GPR158: variants seen among roughly 807,000 people sequenced by gnomAD.
GPR158 encodes G protein-coupled receptor 158, also known as metabotropic glycine receptor.
A neutral mutation model predicts 78.2 loss-of-function variants in GPR158; 30 were observed. That is an observed-to-expected ratio of 0.38 (90% CI 0.29 to 0.52). The LOEUF (loss-of-function observed/expected upper bound fraction) is 0.52, where lower values mean the gene tolerates loss of function less well. Among genes scored for constraint, GPR158 ranks in the 20% least tolerant of loss-of-function variants. The pLI, the probability that GPR158 is intolerant of heterozygous loss-of-function variation, is 0.83. For synonymous variants in GPR158, 581 were observed against 591.1 expected (o/e 0.98, Z 0.25); for missense variants, 1,463 against 1,523.5 (o/e 0.96, Z 0.66).
chr10:25,425,939 T>C (rs1658184004), intron 4 of GPR158, among the ~76,000 whole-genome samples: 1 of 152,144 alleles, frequency 6.6e-6, no homozygotes, highest in African/African-American at 2.4e-5. Flanking sequence ...CTGTTTCCTA[T>C]CTACATGTTA....
intron 2 of GPR158, among the ~76,000 whole-genome samples, chr10:25,292,182 G>A (rs1264098878): frequency 6.6e-6 from 1 of 151,956 alleles, no homozygotes; most frequent in Non-Finnish European, 1.5e-5. Flanking sequence ...AATAGACAGT[G>A]GTGGGGGTGG....
At chr10:25,199,659 AC>A (rs2130652995) in intron 1 of GPR158, among the ~76,000 whole-genome samples, 1 of 124,050 alleles carries the variant, frequency 8.1e-6, no homozygotes, top group South Asian at 3.1e-4. Flanking sequence ...TGATGGTTTA[AC>A]AGTGTTTGGC....
At chr10:25,208,487 T>C (rs768943161) in intron 1 of GPR158, among the ~76,000 whole-genome samples, 3 of 152,138 alleles carry the variant, frequency 2.0e-5, no homozygotes, top group Non-Finnish European at 4.4e-5. Flanking sequence ...GTATATATGA[T>C]ATTCTTCTAT....
At chr10:25,195,351 A>G (rs1375174879) in intron 1 of GPR158, among the ~76,000 whole-genome samples, 1 of 152,046 alleles carries the variant, frequency 6.6e-6, no homozygotes, top group Non-Finnish European at 1.5e-5. Flanking sequence ...GACTACAGGC[A>G]TGCACCACCA....
intron 8 of GPR158, among the ~76,000 whole-genome samples, chr10:25,593,452 T>G (rs1384720833): frequency 1.3e-5 from 2 of 152,056 alleles, no homozygotes; most frequent in African/African-American, 4.8e-5. Flanking sequence ...ATTCTCTAAT[T>G]TCAAGTGGCA....
At chr10:25,261,398 C>T (rs1339727577) in intron 2 of GPR158, among the ~76,000 whole-genome samples, 1 of 152,118 alleles carries the variant, frequency 6.6e-6, no homozygotes, top group Non-Finnish European at 1.5e-5. Context: ...ACTAGGTCTA[C>T]TATACCTATG....
chr10:25,482,745 T>C (rs1258530445), intron 5 of GPR158, among the ~76,000 whole-genome samples: 1 of 152,162 alleles, frequency 6.6e-6, no homozygotes, highest in Non-Finnish European at 1.5e-5. Context: ...TGCGTGTATC[T>C]ATTCAAAATC....
intron 3 of GPR158, among the ~76,000 whole-genome samples, chr10:25,398,448 C>T (rs1834397385): frequency 6.6e-6 from 1 of 152,100 alleles, no homozygotes; most frequent in Non-Finnish European, 1.5e-5. Context: ...AAGGTTTTAG[C>T]TTATGTTCTG....
intron 5 of GPR158, among the ~76,000 whole-genome samples, chr10:25,522,511 G>A (rs2130684328): frequency 6.6e-6 from 1 of 152,270 alleles, no homozygotes; most frequent in Non-Finnish European, 1.5e-5. Flanking sequence ...AGATATAGAT[G>A]TTGGGGGGAA....
At chr10:25,306,292 C>T (rs1190195470) in intron 2 of GPR158, among the ~76,000 whole-genome samples, 3 of 152,142 alleles carry the variant, frequency 2.0e-5, no homozygotes, top group African/African-American at 7.2e-5. Flanking sequence ...TACTGGGCTT[C>T]TCCAGCCTTA....
chr10:25,264,112 T>A (rs1854007996), intron 2 of GPR158, among the ~76,000 whole-genome samples: 1 of 151,998 alleles, frequency 6.6e-6, no homozygotes, highest in Non-Finnish European at 1.5e-5. Context: ...TGGTAACTGG[T>A]TTCCAAAGAT....
chr10:25,398,394 G>A (rs562946428), intron 3 of GPR158, among the ~76,000 whole-genome samples: 1 of 152,028 alleles, frequency 6.6e-6, no homozygotes, highest in African/African-American at 2.4e-5. Flanking sequence ...TCACGTTTAT[G>A]GTCCAGACAT....
At chr10:25,207,094 A>T (rs1341254510) in intron 1 of GPR158, among the ~76,000 whole-genome samples, 1 of 152,056 alleles carries the variant, frequency 6.6e-6, no homozygotes, top group Admixed American at 6.6e-5. Flanking sequence ...CTTTACATTA[A>T]GCAGAAGGAA....
At chr10:25,312,302 T>G (rs1428945258) in intron 2 of GPR158, among the ~76,000 whole-genome samples, 1 of 152,082 alleles carries the variant, frequency 6.6e-6, no homozygotes, top group East Asian at 1.9e-4. Flanking sequence ...CCGAGTTATG[T>G]AGATATTTCA....
intron 2 of GPR158, among the ~76,000 whole-genome samples, chr10:25,277,731 G>A (rs192344769): frequency 3.6e-4 from 55 of 152,178 alleles, no homozygotes; most frequent in African/African-American, 1.3e-3. Context: ...CCCTCAAAGG[G>A]GTAGCACTCT....
intron 5 of GPR158, among the ~76,000 whole-genome samples, chr10:25,495,918 G>A (rs1458728374): frequency 3.3e-5 from 5 of 152,008 alleles, no homozygotes; most frequent in Middle Eastern, 3.4e-3. Context: ...CTGAACAACT[G>A]TTTGTTGTAG....
At chr10:25,317,139 G>C (rs2130472273) in intron 2 of GPR158, among the ~76,000 whole-genome samples, 1 of 151,686 alleles carries the variant, frequency 6.6e-6, no homozygotes, top group South Asian at 2.1e-4. Flanking sequence ...CCACCTCCTG[G>C]GTTCAAGCGA....
At chr10:25,397,292 C>T (rs951356082) in intron 3 of GPR158, among the ~76,000 whole-genome samples, 23 of 152,050 alleles carry the variant, frequency 1.5e-4, no homozygotes, top group Non-Finnish European at 2.2e-4. Flanking sequence ...ATTCTCTCTC[C>T]GGAGAATAAA....
intron 2 of GPR158, among the ~76,000 whole-genome samples, chr10:25,245,270 C>T (rs75719244): frequency 6.6e-6 from 1 of 152,204 alleles, no homozygotes; most frequent in Non-Finnish European, 1.5e-5. Flanking sequence ...GGAGAAGAGG[C>T]CCGTGATAGA....
Sources: allele counts gnomAD v4.1 joint callset (sites outside exome capture counted in the v4.1 genomes callset), GRCh38; gene constraint gnomAD v4.1.1; transcripts MANE v1.5; gene names NCBI Gene and HGNC (gene_info 2026-07-23, HGNC 2026-07-21).